The following WDSUB1 variants were observed in gnomAD, a reference collection of about 807,000 sequenced individuals.
WDSUB1 encodes WD repeat, sterile alpha motif and U-box domain containing 1.
Under a neutral mutation model 53.9 loss-of-function variants are expected in WDSUB1, and 49 were observed. That is an observed-to-expected ratio of 0.91 (90% confidence interval 0.72 to 1.15). The LOEUF (loss-of-function observed/expected upper bound fraction) is 1.15, where lower values mean the gene tolerates loss of function less well. WDSUB1 is among the 50% of genes most tolerant of loss of function. WDSUB1 has a pLI of 0.00. For missense variants in WDSUB1, 514 were observed against 562.0 expected, an observed-to-expected ratio of 0.91 and a Z score of 0.86; for synonymous variants, 194 against 200.6, an observed-to-expected ratio of 0.97 and a Z score of 0.28.
intron 2 of WDSUB1, among the ~76,000 whole-genome samples, chr2:159,282,103 CTTAATT>C (rs1308865569): frequency 6.6e-6 from 1 of 151,866 alleles, no homozygotes; most frequent in Non-Finnish European, 1.5e-5. Flanking sequence ...AAGATTAACT[CTTAATT>C]TTAAGATTGG....
At chr2:159,240,447 A>G (rs1206711690) in intron 10 of WDSUB1, among the ~76,000 whole-genome samples, 1 of 152,148 alleles carries the variant, frequency 6.6e-6, no homozygotes, top group Non-Finnish European at 1.5e-5. Flanking sequence ...GCAACCACAC[A>G]TGAAGGTTCC....
chr2:159,267,617 A>G (rs6737238), intron 5 of WDSUB1, among the ~76,000 whole-genome samples: 1 of 152,004 alleles, frequency 6.6e-6, no homozygotes, highest in Admixed American at 6.5e-5. Context: ...AGTACACAAT[A>G]CTGACCTACA....
intron 4 of WDSUB1, 48 bp downstream of exon 4, chr2:159,275,498 T>C (rs1024821499): frequency 2.1e-6 from 3 of 1,438,730 alleles, no homozygotes; most frequent in Non-Finnish European, 2.8e-6. Context: ...ATAGAAATTT[T>C]ATCCAGACCA....
chr2:159,275,138 CTG>C (rs1216923822), intron 4 of WDSUB1, among the ~76,000 whole-genome samples: 1 of 151,976 alleles, frequency 6.6e-6, no homozygotes, highest in African/African-American at 2.4e-5. Context: ...TATTCCAAAA[CTG>C]TACAAAATAA....
intron 2 of WDSUB1, among the ~76,000 whole-genome samples, chr2:159,280,706 A>AAAAAAG (rs2061645269): frequency 6.8e-6 from 1 of 147,928 alleles, no homozygotes; most frequent in Non-Finnish European, 1.5e-5. Flanking sequence ...AAAAAAAAAA[A>AAAAAAG]AAATTACCCA....
At chr2:159,243,095 T>C (rs992580560) in intron 10 of WDSUB1, among the ~76,000 whole-genome samples, 2 of 147,952 alleles carry the variant, frequency 1.4e-5, no homozygotes, top group Admixed American at 1.3e-4. Flanking sequence ...ATGATTAGGA[T>C]TGGGTTTTTT....
chr2:159,236,048 C>T lies in WDSUB1; in HGVS notation c.1416G>A (p.Glu472=). The change falls in exon 11 of 11, where the codon GAG becomes GAA. Residue 472 remains glutamate, a synonymous_variant. Coordinates refer to ENST00000359774, the MANE Select transcript of WDSUB1 (RefSeq NM_001128212.3). ...ATCAACAATTTTACTTTTGGTGTGT[C>T]TCCAGCCATCTATTGATGGCCATTT... The part of the protein sequence containing the change: ...TLKMAINRWL[E]THQK 6.2e-7 allele frequency: 1 copy of T among 1,605,406 alleles called. No homozygotes were observed. Among genetic ancestry groups the T allele is most frequent in the Non-Finnish European group, 8.5e-7 (1 of 1,177,832 alleles).
chr2:159,283,785 C>T (rs954121782), intron 1 of WDSUB1, among the ~76,000 whole-genome samples: 2 of 152,120 alleles, frequency 1.3e-5, no homozygotes, highest in Non-Finnish European at 2.9e-5. Flanking sequence ...TACCAGTCCT[C>T]GGCCCTGGGG....
chr2:159,247,988 G>A (rs1186483580), intron 10 of WDSUB1, among the ~76,000 whole-genome samples: 10 of 81,472 alleles, frequency 1.2e-4, no homozygotes, highest in African/African-American at 3.4e-4. Flanking sequence ...AAAGTATGTA[G>A]GTCTGTTAAC....
At position 159,283,054 on chromosome 2, in the gene WDSUB1, G is replaced by T. The variant is rs955636725; in HGVS notation, c.16C>A (p.His6Asn). 1.4e-5 allele frequency: 23 copies of T among 1,608,548 alleles called. No individual in the cohort carries two copies. Among genetic ancestry groups the T allele is most frequent in the Non-Finnish European group, 2.0e-5 (23 of 1,175,762 alleles). Residue 6 changes from histidine (H) to asparagine (N), a missense_variant, in exon 2 of 11, where the codon CAC becomes AAC. Transcript: ENST00000359774. MVKLI[H>N]TLADHGDDVN... Reference sequence around the variant, plus strand: ...TCGTCACCATGATCAGCTAATGTGTGAATCAGTTTCACCATGTTCTTTATT... The same window carrying T: ...TCGTCACCATGATCAGCTAATGTGTTAATCAGTTTCACCATGTTCTTTATT...
intron 2 of WDSUB1, 55 bp downstream of exon 2, chr2:159,282,612 GTTTTT>G (rs2061689781): frequency 2.6e-6 from 4 of 1,534,226 alleles, no homozygotes; most frequent in African/African-American, 1.4e-5. Flanking sequence ...TTTGCTTTCA[GTTTTT>G]TTTAAGTACA....
At chr2:159,280,690 CAAAAAA>C (rs58584838) in intron 2 of WDSUB1, among the ~76,000 whole-genome samples, 1 of 59,618 alleles carries the variant, frequency 1.7e-5, no homozygotes, top group South Asian at 5.9e-4. Context: ...GACTCCGTCT[CAAAAAA>C]AAAAAAAAAA....
intron 5 of WDSUB1, 42 bp from the exon 6 acceptor site, chr2:159,259,885 CA>C: frequency 6.9e-7 from 1 of 1,447,642 alleles, no homozygotes; most frequent in Non-Finnish European, 9.3e-7. Context: ...TCTATAAAAA[CA>C]AAGTACAGCA....
In WDSUB1 at chr2:159,275,532, T is replaced by A; in HGVS notation, c.676+14A>T. ...CACAAATAATTTTAGAGAAGCACTA[T>A]TTGGCATACATACCTAAGATATGGG... On this transcript the variant is annotated intron_variant, in intron 4 of 10. Transcript: ENST00000359774. 6.4e-7 allele frequency: 1 copy of A among 1,574,042 alleles called. No individual in the cohort carries two copies. The highest frequency in any genetic ancestry group is 1.4e-5 in the African/African-American group (1 of 72,026).
At chr2:159,239,966 A>G (rs2060600903) in intron 10 of WDSUB1, among the ~76,000 whole-genome samples, 1 of 152,072 alleles carries the variant, frequency 6.6e-6, no homozygotes, top group African/African-American at 2.4e-5. Flanking sequence ...TCTTTTTGAG[A>G]TATATTTCAC....
At chr2:159,238,270 TTC>T (rs1437865957) in intron 10 of WDSUB1, among the ~76,000 whole-genome samples, 3 of 37,196 alleles carry the variant, frequency 8.1e-5, no homozygotes, top group African/African-American at 4.2e-4. Flanking sequence ...GTTTTCCCAA[TTC>T]TATCAAGGAA....
intron 1 of WDSUB1, 130 bp from the exon 2 acceptor site, chr2:159,283,223 G>A (rs80084430): frequency 0.023 from 17,886 of 778,308 alleles, 343 homozygotes; most frequent in African/African-American, 0.063. Context: ...TTAAAGCAGT[G>A]GTCCCCACCT....
chr2:159,259,425 G>T lies in WDSUB1; in HGVS notation c.804+385C>A, dbSNP rs554978191. Among the ~76,000 whole-genome samples the T allele has an allele frequency of 1.6e-4, 25 of 152,262 alleles. No homozygotes were observed. The South Asian group carries it at 5.2e-3, about 32-fold the overall frequency. On this transcript the variant is annotated intron_variant, in intron 6 of 10. Coordinates refer to ENST00000359774, the MANE Select transcript of WDSUB1 (RefSeq NM_001128212.3). The stretch of plus-strand genomic sequence containing the variant: ...TATGCCTCTCCCTAAATCCAGCCAG[G>T]ACTCTAAGAATGGTAGGTCACTTTC...
chr2:159,257,396 T>TC (rs2061086845), intron 8 of WDSUB1, among the ~76,000 whole-genome samples: 1 of 151,800 alleles, frequency 6.6e-6, no homozygotes, highest in African/African-American at 2.4e-5. Flanking sequence ...ACTTTTTTTT[T>TC]TTTTTTTGAG....
Sources: gnomAD v4.1 joint callset for allele counts (sites outside exome capture counted in the v4.1 genomes callset) on GRCh38, gnomAD v4.1.1 for gene constraint, MANE v1.5 for transcripts, NCBI Gene and HGNC (gene_info 2026-07-23, HGNC 2026-07-21) for gene names.